SNX16: variants seen among roughly 807,000 people sequenced by gnomAD.
SNX16 encodes the protein sorting nexin-16.
Under a neutral mutation model 36.7 loss-of-function variants are expected in SNX16, and 35 were observed. The ratio of observed to expected loss-of-function variants is 0.95; its 90% CI spans 0.73 to 1.27. The LOEUF (loss-of-function observed/expected upper bound fraction) is 1.27, where lower values mean the gene tolerates loss of function less well. SNX16 is among the 50% of genes most tolerant of loss of function. The pLI is 0.00. For missense variants in SNX16, 367 were observed against 393.6 expected (o/e 0.93, Z 0.57); for synonymous variants, 134 against 132.0 (o/e 1.02, Z -0.10).
intron 5 of SNX16, among the ~76,000 whole-genome samples, chr8:81,811,352 G>T (rs915110873): frequency 2.6e-5 from 4 of 152,112 alleles, no homozygotes; most frequent in African/African-American, 7.2e-5. Context: ...GCCCATATGC[G>T]TGTATAGAAT....
intron 2 of SNX16, among the ~76,000 whole-genome samples, chr8:81,830,404 A>C (rs1586014133): frequency 6.6e-6 from 1 of 151,820 alleles, no homozygotes; most frequent in African/African-American, 2.4e-5. Context: ...CCCCATCTCT[A>C]CTAAAATACA....
rs548326813 is a variant in SNX16 at position 81,839,581 on chromosome 8, G to C, written c.375+31C>G. On this transcript the variant is annotated intron_variant, in intron 2 of 7. Transcript: ENST00000345957. ...CAGAGATTAGCCAATCTTTCACTTT[G>C]TAGTGTTATACAGCAGAAGTCAATA... The C allele has an allele frequency of 5.1e-6, 8 of 1,557,706 alleles. No homozygotes were observed. In the South Asian group the frequency reaches 9.7e-5, roughly 19 times the overall value.
chr8:81,803,931 A>G lies in SNX16; in HGVS notation c.682-703T>C, dbSNP rs6998129. On this transcript the variant is annotated intron_variant, in intron 5 of 7. Transcript: ENST00000345957. ...AAGCCTCATATGGATTTTGGGAAAAACAATGTATCATAAGGAAGACAAATA... is the reference window on the plus strand; with the variant it reads ...AAGCCTCATATGGATTTTGGGAAAAGCAATGTATCATAAGGAAGACAAATA... Among the ~76,000 whole-genome samples, 1,395 of 151,952 alleles carry G rather than the reference A, an allele frequency of 9.2e-3. 16 individuals carry two copies. The highest frequency in any genetic ancestry group is 0.032 in the African/African-American group (1,330 of 41,506).
intron 3 of SNX16, among the ~76,000 whole-genome samples, chr8:81,826,016 G>T (rs1811000184): frequency 6.9e-6 from 1 of 144,878 alleles, no homozygotes. Flanking sequence ...AATTTAAATG[G>T]TTAGATTTTT....
In SNX16 at chr8:81,839,641, C is replaced by G. The variant is rs1485422993; in HGVS notation, c.346G>C (p.Glu116Gln). Reference protein sequence around the residue: ...RPSTPTILGYEVMEERAKFTV... With the variant: ...RPSTPTILGYQVMEERAKFTV... ...AATTTAGCTCTTTCTTCCATCACTT[C>G]ATAACCCAGTATAGTAGGTGTAGAT... Residue 116 changes from glutamate (E) to glutamine (Q), a missense_variant, in exon 2 of 8, where the codon GAA becomes CAA. Glu to Gln is a conservative substitution (Grantham distance 29). Coordinates refer to ENST00000345957, the MANE Select transcript of SNX16 (RefSeq NM_152836.3). 6.2e-7 allele frequency: 1 copy of G among 1,613,442 alleles called. No homozygotes were observed. The highest frequency in any genetic ancestry group is 8.5e-7 in the Non-Finnish European group (1 of 1,179,640).
chr8:81,826,005 C>T (rs560005206), intron 3 of SNX16, among the ~76,000 whole-genome samples: 1 of 148,890 alleles, frequency 6.7e-6, no homozygotes, highest in African/African-American at 2.4e-5. Context: ...AAACCATTTA[C>T]AATTTAAATG....
At position 81,839,851 on chromosome 8, in the gene SNX16, C is replaced by T; in HGVS notation, c.136G>A (p.Asp46Asn). The change falls in exon 2 of 8, where the codon GAC becomes AAC. Residue 46 changes from aspartate to asparagine, a missense_variant. Physicochemically the swap from Asp to Asn is conservative, Grantham distance 23. Coordinates refer to ENST00000345957, the MANE Select transcript of SNX16 (RefSeq NM_152836.3). ...TGTTTAAAATTACCCATATTTGAGT[C>T]TTCTAACTGGCCCTTAGAAGAATTT... Reference protein sequence around the residue: ...SSNSSKGQLEDSNMGNFKQTS... With the variant: ...SSNSSKGQLENSNMGNFKQTS... The T allele has an allele frequency of 6.2e-7, 1 of 1,614,024 alleles. No homozygotes were observed. Among genetic ancestry groups the T allele is most frequent in the Admixed American group, 1.7e-5 (1 of 60,020 alleles).
intron 7 of SNX16, 26 bp downstream of exon 7, chr8:81,802,354 G>T: frequency 6.4e-7 from 1 of 1,560,830 alleles, no homozygotes. Flanking sequence ...CAAGAATTAA[G>T]CTATCATAAA....
Position 81,829,518 on chromosome 8 carries a change from T to TCTTTCTTCC in SNX16, c.376-3_376-2insGGAAGAAAG. Reference sequence around the variant, plus strand: ...TTTCTTTACTAGTATTTTATATACCTATGCACAGGAAGAAAAACAGACGGA... The same window carrying TCTTTCTTCC: ...TTTCTTTACTAGTATTTTATATACCTCTTTCTTCCATGCACAGGAAGAAAAACAGACGGA... On this transcript the variant is annotated splice_region_variant and splice_polypyrimidine_tract_variant and intron_variant, in intron 2 of 7. Coordinates refer to ENST00000345957, the MANE Select transcript of SNX16 (RefSeq NM_152836.3). 7.7e-7 allele frequency: 1 copy of TCTTTCTTCC among 1,300,000 alleles called. No homozygotes were observed. Among genetic ancestry groups the TCTTTCTTCC allele is most frequent in the Non-Finnish European group, 1.0e-6 (1 of 981,098 alleles). The allele number at this position is 1,300,000 out of a possible 1,614,324, so 80.5% of individuals were successfully genotyped here.
Position 81,800,129 on chromosome 8 carries a change from T to C in SNX16, c.*1368A>G, listed in dbSNP as rs1248442854. 4 of 151,786 alleles carry C rather than the reference T, an allele frequency of 2.6e-5. No individual in the cohort carries two copies. The highest frequency in any genetic ancestry group is 5.9e-5 in the Non-Finnish European group (4 of 67,752). The allele number at this position is 151,786 out of a possible 1,614,324, so 9.4% of individuals were successfully genotyped here. ...TTTTAAACAGCCACACCTTAATATA[T>C]ATATACATCAAGATACCGATAAACT... On this transcript the variant is annotated 3_prime_UTR_variant, in exon 8 of 8. Transcript: ENST00000345957.
chr8:81,816,066 G>GT (rs1477282049), intron 4 of SNX16, among the ~76,000 whole-genome samples: 1 of 151,992 alleles, frequency 6.6e-6, no homozygotes, highest in African/African-American at 2.4e-5. Flanking sequence ...TAAAAAGCAA[G>GT]TTTGGACTGT....
chr8:81,829,799 A>G (rs1218923885), intron 2 of SNX16, among the ~76,000 whole-genome samples: 1 of 152,148 alleles, frequency 6.6e-6, no homozygotes, highest in African/African-American at 2.4e-5. Flanking sequence ...ATTTATGTCA[A>G]TATATTCTAA....
At chr8:81,804,859 T>A (rs1296835518) in intron 5 of SNX16, among the ~76,000 whole-genome samples, 1 of 152,028 alleles carries the variant, frequency 6.6e-6, no homozygotes, top group Non-Finnish European at 1.5e-5. Flanking sequence ...TACCTAATAA[T>A]AAAAGTAATA....
chr8:81,811,229 C>T (rs1810230358), intron 5 of SNX16, among the ~76,000 whole-genome samples: 1 of 152,060 alleles, frequency 6.6e-6, no homozygotes, highest in Admixed American at 6.6e-5. Flanking sequence ...GAATGAAACC[C>T]AGAAGCAATG....
Position 81,840,858 on chromosome 8 carries a change from T to C in SNX16, c.-96-776A>G, listed in dbSNP as rs1034022492. On this transcript the variant is annotated intron_variant, in intron 1 of 7. Transcript: ENST00000345957. ...TATATCTTGTGTCAGAATAGTATCATAACACAAAGAAGAAATGGTTTACTA... is the reference window on the plus strand; with the variant it reads ...TATATCTTGTGTCAGAATAGTATCACAACACAAAGAAGAAATGGTTTACTA... 7.2e-5 allele frequency among the ~76,000 whole-genome samples: 11 copies of C among 152,208 alleles called. No individual in the cohort carries two copies. The East Asian group carries it at 7.7e-4, about 11-fold the overall frequency.
At chr8:81,814,640 T>G (rs1332226966) in intron 5 of SNX16, 2 of 152,130 alleles carry the variant, frequency 1.3e-5, no homozygotes, top group East Asian at 3.8e-4. Flanking sequence ...GTGAATATTA[T>G]GGATGAAAAT....
chr8:81,803,152 G>A lies in SNX16; in HGVS notation c.758C>T (p.Ser253Leu). The change falls in exon 6 of 8, where the codon TCA (serine) becomes TTA (leucine). Residue 253 changes from serine to leucine, a missense_variant. Coordinates refer to ENST00000345957, the MANE Select transcript of SNX16 (RefSeq NM_152836.3). ...CTTCTCACTGAGCAGTTTCTTTAGT[G>A]ATTCCATCTCCTTTTGTTTTTCAAG... ...ELLEKQKEME[S>L]LKKLLSEKQL... 1 of 1,612,132 alleles carries A rather than the reference G, an allele frequency of 6.2e-7. No homozygotes were observed. Among genetic ancestry groups the A allele is most frequent in the East Asian group, 2.2e-5 (1 of 44,712 alleles).
chr8:81,816,631 T>C (rs1300883505), intron 4 of SNX16, among the ~76,000 whole-genome samples: 1 of 152,172 alleles, frequency 6.6e-6, no homozygotes, highest in African/African-American at 2.4e-5. Context: ...ATTTTACATA[T>C]CTTATTGTAT....
chr8:81,811,179 A>G (rs1339860516), intron 5 of SNX16, among the ~76,000 whole-genome samples: 1 of 152,216 alleles, frequency 6.6e-6, no homozygotes, highest in African/African-American at 2.4e-5. Context: ...TTTTCTAAAC[A>G]GATTCTAAAT....
Sources: allele counts gnomAD v4.1 joint callset (sites outside exome capture counted in the v4.1 genomes callset), GRCh38; gene constraint gnomAD v4.1.1; transcripts MANE v1.5; gene names NCBI Gene and HGNC (gene_info 2026-07-23, HGNC 2026-07-21).